CRLS1: variants seen among roughly 807,000 people sequenced by gnomAD.
CRLS1 encodes the protein cardiolipin synthase (CMP-forming).
In CRLS1, 24 loss-of-function variants were observed where a neutral mutation model predicts 37.0. The observed-to-expected ratio is 0.65, with a 90% CI of 0.47 to 0.91. The LOEUF (loss-of-function observed/expected upper bound fraction) is 0.91. Among genes scored for constraint, CRLS1 ranks in the 40% least tolerant of loss-of-function variants. The pLI, the probability that CRLS1 is intolerant of heterozygous loss-of-function variation, is 0.00. For synonymous variants in CRLS1, 135 were observed against 159.7 expected (o/e 0.85, Z 1.17); for missense variants, 373 against 395.8 (o/e 0.94, Z 0.49).
intron 1 of CRLS1, chr20:6,007,433 G>T: frequency 6.2e-7 from 1 of 1,611,506 alleles, no homozygotes. Context: ...AGTAATCTGA[G>T]ATTAGCTCTC....
chr20:6,015,540 TAGTC>T, intron 3 of CRLS1, 50 bp downstream of exon 3: 3 of 1,568,212 alleles, frequency 1.9e-6, no homozygotes, highest in Non-Finnish European at 2.6e-6. Context: ...AGAATGACAT[TAGTC>T]AGCTTAGGAT....
rs142264553 is a variant in CRLS1 at position 6,014,156 on chromosome 20, C to T, written c.445-1205C>T. Among the ~76,000 whole-genome samples, 6 of 152,284 alleles carry T rather than the reference C, an allele frequency of 3.9e-5. No individual in the cohort carries two copies. The East Asian group carries it at 1.2e-3, about 29-fold the overall frequency. On this transcript the variant is annotated intron_variant, in intron 2 of 6. Transcript: ENST00000378863. Reference sequence around the variant, plus strand: ...TGCTGAGTGCTGAACAAGTATTAATCACATTGTGTGCTGAAGACAACCACC... The same window carrying T: ...TGCTGAGTGCTGAACAAGTATTAATTACATTGTGTGCTGAAGACAACCACC...
At chr20:6,035,811 T>TAA in intron 6 of CRLS1, among the ~76,000 whole-genome samples, 1 of 151,044 alleles carries the variant, frequency 6.6e-6, no homozygotes, top group African/African-American at 2.4e-5. Flanking sequence ...ATTAATTAAT[T>TAA]TATTTATTTT....
At position 6,038,668 on chromosome 20, in the gene CRLS1, C is replaced by T. The variant is rs1980743226; in HGVS notation, c.*1510C>T. 2 of 152,168 alleles carry T rather than the reference C, an allele frequency of 1.3e-5. No individual in the cohort carries two copies. Among genetic ancestry groups the T allele is most frequent in the South Asian group, 4.1e-4 (2 of 4,824 alleles). The allele number at this position is 152,168 out of a possible 1,614,324, so 9.4% of individuals were successfully genotyped here. A position where few individuals can be genotyped will look rare whatever the true frequency, so the allele number is the denominator to read the frequency against. On this transcript the variant is annotated 3_prime_UTR_variant, in exon 7 of 7. Coordinates refer to ENST00000378863, the MANE Select transcript of CRLS1 (RefSeq NM_019095.6). Reference sequence around the variant, plus strand: ...AGTGGACTTCCCACTGCTGAGCCACCCAAGAGGCACACTGAGCATTAGTGA... The same window carrying T: ...AGTGGACTTCCCACTGCTGAGCCACTCAAGAGGCACACTGAGCATTAGTGA...
intron 1 of CRLS1, among the ~76,000 whole-genome samples, chr20:6,007,935 A>T (rs949376364): frequency 1.3e-5 from 2 of 152,176 alleles, no homozygotes; most frequent in Non-Finnish European, 2.9e-5. Context: ...TTGTTTTGTG[A>T]TTGCTCTTCG....
At chr20:6,019,037 T>C (rs1978992158) in intron 3 of CRLS1, among the ~76,000 whole-genome samples, 1 of 152,178 alleles carries the variant, frequency 6.6e-6, no homozygotes. Flanking sequence ...AATTTATAAC[T>C]AGCCTCATAA....
At chr20:6,031,762 A>G (rs116372745) in intron 4 of CRLS1, among the ~76,000 whole-genome samples, 1,715 of 152,324 alleles carry the variant, frequency 0.011, 36 homozygotes, top group African/African-American at 0.039. Flanking sequence ...TCAAAAAAGA[A>G]AATAGTGAAT....
intron 2 of CRLS1, among the ~76,000 whole-genome samples, chr20:6,013,043 G>A (rs561924236): frequency 1.4e-4 from 21 of 152,240 alleles, no homozygotes; most frequent in African/African-American, 4.8e-4. Flanking sequence ...GACATTGGAC[G>A]TTCCTTTGAA....
intron 1 of CRLS1, among the ~76,000 whole-genome samples, chr20:6,008,090 CTTTT>C (rs11479572): frequency 1.4e-5 from 2 of 138,438 alleles, no homozygotes; most frequent in South Asian, 2.3e-4. Flanking sequence ...TTAGAGAATA[CTTTT>C]TTTTTTTTTT....
rs1485627759 is a variant in CRLS1, at chr20:6,009,929, C to T, written c.444+17C>T. ...ACAGATTTGGTAAGTTGTAAATGCA[C>T]TCCCAGTTTGCTCTCCTTCCAAATC... is the stretch of plus-strand genomic sequence containing the variant. On this transcript the variant is annotated intron_variant, in intron 2 of 6. Transcript: ENST00000378863. 6.2e-7 allele frequency: 1 copy of T among 1,610,450 alleles called. No homozygotes were observed. Among genetic ancestry groups the T allele is most frequent in the East Asian group, 2.2e-5 (1 of 44,786 alleles).
chr20:6,027,462 C>T (rs1979807632), intron 3 of CRLS1, among the ~76,000 whole-genome samples: 1 of 152,066 alleles, frequency 6.6e-6, no homozygotes, highest in African/African-American at 2.4e-5. Context: ...GGCTGGAATG[C>T]AGTGGCGCAG....
chr20:6,020,718 G>A (rs1369187628), intron 3 of CRLS1, among the ~76,000 whole-genome samples: 1 of 151,642 alleles, frequency 6.6e-6, no homozygotes, highest in African/African-American at 2.4e-5. Flanking sequence ...TGCCTCCTGG[G>A]TTCACGCCAT....
chr20:6,030,154 AT>A (rs937191084), intron 3 of CRLS1, among the ~76,000 whole-genome samples: 6 of 151,104 alleles, frequency 4.0e-5, no homozygotes, highest in South Asian at 2.1e-4. Context: ...AAAAATAATA[AT>A]TTTTTTTTCT....
chr20:6,018,216 C>CA lies in CRLS1; in HGVS notation c.574+2747dup, dbSNP rs57874755. ...GAGTGATGGAGTGAGACTCTGTCCT[C>CA]AAAAAAAAAAAAAAAAAAAAATTAT... On this transcript the variant is annotated intron_variant, in intron 3 of 6. Coordinates refer to ENST00000378863, the MANE Select transcript of CRLS1 (RefSeq NM_019095.6). 5.1e-3 allele frequency among the ~76,000 whole-genome samples: 398 copies of CA among 78,302 alleles called. 8 individuals carry two copies. The highest frequency in any genetic ancestry group is 9.3e-3 in the East Asian group (25 of 2,696). 51.4% of individuals were successfully genotyped at this position (78,302 alleles called of 152,430 possible).
rs534163883 is a variant in CRLS1, at chr20:6,030,393, A to C, written c.575-892A>C. Among the ~76,000 whole-genome samples, 5 of 152,252 alleles carry C rather than the reference A, an allele frequency of 3.3e-5. No homozygotes were observed. In the East Asian group the frequency reaches 9.7e-4, roughly 29 times the overall value. ...ATTCATTGAATGGGCAGGGAGAAAA[A>C]CAGCAATCCCTGGGAAGGAACTGGC... On this transcript the variant is annotated intron_variant, in intron 3 of 6. Coordinates refer to ENST00000378863, the MANE Select transcript of CRLS1 (RefSeq NM_019095.6).
Position 6,031,753 on chromosome 20 carries a change from CA to C in CRLS1, c.661-253del, listed in dbSNP as rs1183222167. 5.9e-5 allele frequency among the ~76,000 whole-genome samples: 9 copies of C among 151,664 alleles called. 1 individual carries two copies. The East Asian group carries it at 1.7e-3, about 29-fold the overall frequency. On this transcript the variant is annotated intron_variant, in intron 4 of 6. Coordinates refer to ENST00000378863, the MANE Select transcript of CRLS1 (RefSeq NM_019095.6). ...ATTTTGTTCATTTTATTTTTTAATT[CA>C]AAAAAGAAAATAGTGAATAAGGGAA... is the stretch of plus-strand genomic sequence containing the variant.
chr20:6,025,134 T>A (rs1190121219), intron 3 of CRLS1, among the ~76,000 whole-genome samples: 1 of 152,234 alleles, frequency 6.6e-6, no homozygotes, highest in Non-Finnish European at 1.5e-5. Context: ...ACCCTTCTAT[T>A]GGAAGAAGAT....
intron 6 of CRLS1, among the ~76,000 whole-genome samples, chr20:6,034,853 A>G (rs530538229): frequency 1.3e-5 from 2 of 152,356 alleles, no homozygotes; most frequent in East Asian, 3.9e-4. Flanking sequence ...CATTTGTTGC[A>G]TGAAGTGGAT....
At position 6,016,474 on chromosome 20, in the gene CRLS1, T is replaced by TGA. The variant is rs1555793607; in HGVS notation, c.574+986_574+987dup. On this transcript the variant is annotated intron_variant, in intron 3 of 6. Coordinates refer to ENST00000378863, the MANE Select transcript of CRLS1 (RefSeq NM_019095.6). ...ATGGGGGTGTGTGTGTGTGTGTGTG[T>TGA]GAGTTTTCTTGCCTAGGCTGGTCTC... Among the ~76,000 whole-genome samples, 238 of 151,446 alleles carry TGA rather than the reference T, an allele frequency of 1.6e-3. 1 individual carries two copies. Among genetic ancestry groups the TGA allele is most frequent in the South Asian group, 9.2e-3 (44 of 4,802 alleles).
Sources: allele counts gnomAD v4.1 joint callset (sites outside exome capture counted in the v4.1 genomes callset), GRCh38; gene constraint gnomAD v4.1.1; transcripts MANE v1.5; gene names NCBI Gene and HGNC (gene_info 2026-07-23, HGNC 2026-07-21).